BRWD3: variants seen among roughly 807,000 people sequenced by gnomAD.
BRWD3 encodes the protein bromodomain and WD repeat-containing protein 3.
In BRWD3, 10 loss-of-function variants were observed where a neutral mutation model predicts 149.7. That is an observed-to-expected ratio of 0.07 (90% CI 0.04 to 0.11). The LOEUF (loss-of-function observed/expected upper bound fraction) is 0.11, where lower values mean the gene tolerates loss of function less well. Among genes scored for constraint, BRWD3 ranks in the 10% least tolerant of loss-of-function variants. BRWD3 has a pLI of 1.00. For missense variants in BRWD3, 940 were observed against 1,373.2 expected, an observed-to-expected ratio of 0.68 and a Z score of 4.99; for synonymous variants, 504 against 456.7, an observed-to-expected ratio of 1.10 and a Z score of -1.32.
chrX:80,728,690 C>T (rs1390600049), intron 14 of BRWD3, 62 bp downstream of exon 14: 27 of 1,018,199 alleles, frequency 2.7e-5, no homozygotes, highest in Non-Finnish European at 3.6e-5. Flanking sequence ...ACTTAAATTT[C>T]CTGTGTCTTA....
At chrX:80,760,081 T>C (rs888299858) in intron 6 of BRWD3, among the ~76,000 whole-genome samples, 3 of 112,224 alleles carry the variant, frequency 2.7e-5, no homozygotes, top group African/African-American at 9.7e-5. Flanking sequence ...TAACTCTTCA[T>C]GTTAAAGCTT....
intron 6 of BRWD3, among the ~76,000 whole-genome samples, chrX:80,752,561 G>T (rs2073682745): frequency 9.0e-6 from 1 of 111,589 alleles, no homozygotes; most frequent in Admixed American, 9.5e-5. Flanking sequence ...TCACCAAAAT[G>T]TTTTTTTAAA....
At chrX:80,782,427 C>A (rs2074066300) in intron 6 of BRWD3, among the ~76,000 whole-genome samples, 1 of 111,354 alleles carries the variant, frequency 9.0e-6, no homozygotes, top group Admixed American at 9.6e-5. Flanking sequence ...ATCGGTGAAA[C>A]TCTCCAGGAC....
intron 6 of BRWD3, among the ~76,000 whole-genome samples, chrX:80,767,154 G>A: frequency 8.9e-6 from 1 of 112,244 alleles, no homozygotes; most frequent in Middle Eastern, 4.6e-3. Flanking sequence ...AGAAACTTCT[G>A]CACAGGTAAA....
In BRWD3 at chrX:80,689,761, T is replaced by C. The variant is rs1348961545; in HGVS notation, c.3807+7A>G. On this transcript the variant is annotated splice_region_variant and intron_variant, in intron 33 of 40. Transcript: ENST00000373275. ...CTCATTCCTACTAATCATGCTGTGA[T>C]TCTTACCTCCTCTGCATCAGTACTG... The C allele has an allele frequency of 1.7e-6, 2 of 1,184,212 alleles. No homozygotes were observed. Among genetic ancestry groups the C allele is most frequent in the African/African-American group, 3.5e-5 (2 of 56,683 alleles).
At chrX:80,770,554 C>CCT (rs2073930968) in intron 6 of BRWD3, among the ~76,000 whole-genome samples, 1 of 111,257 alleles carries the variant, frequency 9.0e-6, no homozygotes, top group African/African-American at 3.3e-5. Flanking sequence ...TTCAACAACG[C>CCT]TTCATGCTAA....
intron 4 of BRWD3, among the ~76,000 whole-genome samples, chrX:80,800,465 G>C (rs3132159): frequency 9.9e-6 from 1 of 101,048 alleles, no homozygotes. Flanking sequence ...GATTGAGCCC[G>C]GGAGGTGGAG....
chrX:80,720,541 C>T (rs898671241), intron 17 of BRWD3, among the ~76,000 whole-genome samples: 9 of 108,707 alleles, frequency 8.3e-5, no homozygotes, highest in African/African-American at 3.0e-4. Flanking sequence ...ACAAAAGAGT[C>T]GAAAAGTTAA....
intron 6 of BRWD3, among the ~76,000 whole-genome samples, chrX:80,776,046 T>C (rs2073997465): frequency 8.9e-6 from 1 of 112,098 alleles, no homozygotes; most frequent in Non-Finnish European, 1.9e-5. Flanking sequence ...AGTTTAATAG[T>C]CTTCCCACTT....
chrX:80,783,428 C>G (rs1468238812), intron 6 of BRWD3, among the ~76,000 whole-genome samples: 1 of 107,424 alleles, frequency 9.3e-6, no homozygotes, highest in Non-Finnish European at 1.9e-5. Context: ...ATAATAAATG[C>G]TGGTGAGGTT....
At chrX:80,758,263 T>A (rs1206658241) in intron 6 of BRWD3, among the ~76,000 whole-genome samples, 1 of 111,860 alleles carries the variant, frequency 8.9e-6, no homozygotes, top group Non-Finnish European at 1.9e-5. Flanking sequence ...GGAATTTACA[T>A]TCTACTCTGC....
At chrX:80,761,620 A>G (rs967290413) in intron 6 of BRWD3, among the ~76,000 whole-genome samples, 2 of 112,102 alleles carry the variant, frequency 1.8e-5, no homozygotes, top group Admixed American at 9.5e-5. Context: ...AGGAAAGACA[A>G]AAAGTGATAA....
At chrX:80,682,718 TACA>T (rs1461252724) in intron 37 of BRWD3, 90 bp from the exon 38 acceptor site, 2 of 880,229 alleles carry the variant, frequency 2.3e-6, no homozygotes, top group African/African-American at 4.1e-5. Context: ...GCATCATCAT[TACA>T]GACAAAATAT....
intron 20 of BRWD3, among the ~76,000 whole-genome samples, chrX:80,715,515 C>A (rs768510317): frequency 8.9e-6 from 1 of 111,985 alleles, no homozygotes; most frequent in Non-Finnish European, 1.9e-5. Context: ...GAGTATTCTG[C>A]TTAGCAGTTT....
chrX:80,720,856 T>C (rs762937453), intron 17 of BRWD3, among the ~76,000 whole-genome samples: 122 of 112,054 alleles, frequency 1.1e-3, no homozygotes, highest in African/African-American at 2.9e-3. Flanking sequence ...TCTGTCTAGA[T>C]ATGCTTAGAT....
At chrX:80,726,165 A>G (rs1469771395) in intron 14 of BRWD3, among the ~76,000 whole-genome samples, 1 of 107,047 alleles carries the variant, frequency 9.3e-6, no homozygotes, top group Non-Finnish European at 2.0e-5. Flanking sequence ...ACACGTTTAC[A>G]TGTTATATGT....
At chrX:80,767,067 C>G (rs1055311186) in intron 6 of BRWD3, among the ~76,000 whole-genome samples, 6 of 112,428 alleles carry the variant, frequency 5.3e-5, no homozygotes, top group African/African-American at 1.9e-4. Context: ...GGAGAGGCAT[C>G]CACCATTGTT....
chrX:80,771,338 T>A (rs916917142), intron 6 of BRWD3, among the ~76,000 whole-genome samples: 7 of 111,586 alleles, frequency 6.3e-5, no homozygotes, highest in African/African-American at 2.3e-4. Context: ...TCACACTACC[T>A]GGCTTCAAAC....
intron 6 of BRWD3, among the ~76,000 whole-genome samples, chrX:80,761,168 C>T (rs2073798660): frequency 8.9e-6 from 1 of 111,773 alleles, no homozygotes; most frequent in African/African-American, 3.2e-5. Flanking sequence ...GAAATTATTA[C>T]AGAGTGGTTA....
Sources: allele counts gnomAD v4.1 joint callset (sites outside exome capture counted in the v4.1 genomes callset), GRCh38; gene constraint gnomAD v4.1.1; transcripts MANE v1.5; gene names NCBI Gene and HGNC (gene_info 2026-07-23, HGNC 2026-07-21).